Variants in SSTR5 observed in about 807,000 individuals in gnomAD.
SSTR5 encodes the protein somatostatin receptor 5, also known as somatostatin receptor type 5.
A neutral mutation model predicts 0.3 loss-of-function variants in SSTR5; 1 was observed. The observed-to-expected ratio is 2.98, with a 90% CI of 1.06 to 14.15. The LOEUF (loss-of-function observed/expected upper bound fraction) is 14.15, where lower values mean the gene tolerates loss of function less well. SSTR5 is among the 30% of genes most tolerant of loss of function. The pLI, the probability that SSTR5 is intolerant of heterozygous loss-of-function variation, is 0.12. For missense variants in SSTR5, 516 were observed against 543.2 expected, an observed-to-expected ratio of 0.95 and a Z score of 0.50; for synonymous variants, 256 against 263.1, an observed-to-expected ratio of 0.97 and a Z score of 0.26.
In SSTR5 at chr16:1,080,142, T is replaced by C. The variant is rs113311554; in HGVS notation, c.*179T>C. On this transcript the variant is annotated 3_prime_UTR_variant, in exon 2 of 2. Coordinates refer to ENST00000689027, the MANE Select transcript of SSTR5 (RefSeq NM_001172560.3). ...GTAGGTTCCCCACCGTGACCGACCA[T>C]CCCCTCTAACCGTCTGCCACACAGC... The C allele has an allele frequency of 6.3e-5, 54 of 850,440 alleles. No homozygotes were observed. The African/African-American group carries it at 7.0e-4, about 11-fold the overall frequency. 52.7% of individuals were successfully genotyped at this position (850,440 alleles called of 1,614,324 possible). A position where few individuals can be genotyped will look rare whatever the true frequency, so the allele number is the denominator to read the frequency against.
rs1567387893 is a variant in SSTR5 at position 1,080,974 on chromosome 16, G to A, written c.*1011G>A. The A allele has an allele frequency of 2.2e-6, 1 of 456,086 alleles. No individual in the cohort carries two copies. The highest frequency in any genetic ancestry group is 4.6e-6 in the Non-Finnish European group (1 of 217,374). 28.3% of individuals were successfully genotyped at this position (456,086 alleles called of 1,614,324 possible). On this transcript the variant is annotated 3_prime_UTR_variant, in exon 2 of 2. Transcript: ENST00000689027. ...AGCAGAGGACGGTCATCCAGGCGCA[G>A]CGGGGAGCTGCTCCCCAGGCCACAG... is the stretch of plus-strand genomic sequence containing the variant.
rs771972361 is a variant in SSTR5 at position 1,079,285 on chromosome 16, G to T, written c.417G>T (p.Leu139=). The change falls in exon 2 of 2, where the codon CTG becomes CTT. Residue 139 remains leucine (L), a synonymous_variant. Coordinates refer to ENST00000689027, the MANE Select transcript of SSTR5 (RefSeq NM_001172560.3). ...CAGTCATGAGCGTGGACCGCTACCTGGCAGTGGTGCACCCGCTGAGCTCGG... is the reference window on the plus strand; with the variant it reads ...CAGTCATGAGCGTGGACCGCTACCTTGCAGTGGTGCACCCGCTGAGCTCGG... ...CLTVMSVDRY[L]AVVHPLSSAR... 3.1e-6 allele frequency: 5 copies of T among 1,611,782 alleles called. No homozygotes were observed. The highest frequency in any genetic ancestry group is 4.2e-6 in the Non-Finnish European group (5 of 1,179,604).
At chr16:1,075,982 TCCTCCCCCTCC>T (rs1960190806) in intron 1 of SSTR5, among the ~76,000 whole-genome samples, 1 of 472 alleles carries the variant, frequency 2.1e-3, no homozygotes, top group Non-Finnish European at 4.5e-3. Flanking sequence ...TCCCTCCCCC[TCCTCCCCCTCC>T]CTCTCCCCCC....
chr16:1,075,905 A>C (rs1347791328), intron 1 of SSTR5, among the ~76,000 whole-genome samples: 513 of 9,514 alleles, frequency 0.054, no homozygotes, highest in Admixed American at 0.061. Context: ...CTCCCCCCCC[A>C]CTCTCTCTCC....
At chr16:1,074,996 A>G (rs1380345844) in intron 1 of SSTR5, among the ~76,000 whole-genome samples, 2 of 152,148 alleles carry the variant, frequency 1.3e-5, no homozygotes, top group African/African-American at 2.4e-5. Context: ...TGTCAGGCTG[A>G]GCAGATCCCT....
chr16:1,078,558 C>T (rs755607999), intron 1 of SSTR5: 38 of 475,146 alleles, frequency 8.0e-5, no homozygotes, highest in Non-Finnish European at 1.1e-4. Context: ...CCAGGCCAGG[C>T]GCCATCTGGG....
chr16:1,079,625 G>T lies in SSTR5; in HGVS notation c.757G>T (p.Val253Leu). The T allele has an allele frequency of 6.2e-7, 1 of 1,612,214 alleles. No individual in the cohort carries two copies. The highest frequency in any genetic ancestry group is 8.5e-7 in the Non-Finnish European group (1 of 1,179,270). Residue 253 changes from valine (V) to leucine (L), a missense_variant, in exon 2 of 2, where the codon GTG (valine) becomes TTG (leucine). Physicochemically the swap from Val to Leu is conservative, Grantham distance 32 (BLOSUM62 1). Coordinates refer to ENST00000689027, the MANE Select transcript of SSTR5 (RefSeq NM_001172560.3). ...ERKVTRMVLV[V>L]VLVFAGCWLP... ...GAAGGTGACGCGCATGGTGTTGGTG[G>T]TGGTGCTGGTGTTTGCGGGATGTTG...
At chr16:1,073,538 C>T (rs1194120502) in intron 1 of SSTR5, 1 of 152,380 alleles carries the variant, frequency 6.6e-6, no homozygotes, top group Non-Finnish European at 1.5e-5. Context: ...CGAACAGAGC[C>T]CCCTCCTGTC....
chr16:1,073,937 G>A (rs1028798090), intron 1 of SSTR5, among the ~76,000 whole-genome samples: 3 of 152,358 alleles, frequency 2.0e-5, no homozygotes, highest in South Asian at 2.1e-4. Context: ...CCCGAGAAGC[G>A]TTCGCGGAGC....
intron 1 of SSTR5, among the ~76,000 whole-genome samples, chr16:1,075,345 C>T (rs1390101240): frequency 6.6e-6 from 1 of 152,096 alleles, no homozygotes; most frequent in South Asian, 2.1e-4. Flanking sequence ...TCCTCTGAAG[C>T]TAAGAAGCTA....
chr16:1,073,846 G>A (rs1960139124), intron 1 of SSTR5, among the ~76,000 whole-genome samples: 1 of 152,264 alleles, frequency 6.6e-6, no homozygotes, highest in Non-Finnish European at 1.5e-5. Flanking sequence ...CTGGTCAACA[G>A]CACCAAGGAC....
chr16:1,079,801 C>T lies in SSTR5; in HGVS notation c.933C>T (p.Phe311=), dbSNP rs1209313084. ...TCTACGGCTTCCTCTCTGACAACTTCCGCCAGAGCTTCCAGAAGGTTCTGT... is the reference window on the plus strand; with the variant it reads ...TCTACGGCTTCCTCTCTGACAACTTTCGCCAGAGCTTCCAGAAGGTTCTGT... ...PVLYGFLSDN[F]RQSFQKVLCL... The change falls in exon 2 of 2, where the codon TTC becomes TTT. Residue 311 remains phenylalanine (F), a synonymous_variant. Transcript: ENST00000689027. 1.2e-6 allele frequency: 2 copies of T among 1,612,514 alleles called. No individual in the cohort carries two copies. The highest frequency in any genetic ancestry group is 2.2e-5 in the South Asian group (2 of 91,084).
chr16:1,079,293 T>C lies in SSTR5; in HGVS notation c.425T>C (p.Val142Ala), dbSNP rs1960294887. 6.2e-7 allele frequency: 1 copy of C among 1,611,214 alleles called. No homozygotes were observed. Among genetic ancestry groups the C allele is most frequent in the East Asian group, 2.2e-5 (1 of 44,846 alleles). Reference sequence around the variant, plus strand: ...AGCGTGGACCGCTACCTGGCAGTGGTGCACCCGCTGAGCTCGGCCCGCTGG... The same window carrying C: ...AGCGTGGACCGCTACCTGGCAGTGGCGCACCCGCTGAGCTCGGCCCGCTGG... ...VMSVDRYLAV[V>A]HPLSSARWRR... The change falls in exon 2 of 2, where the codon GTG (valine) becomes GCG (alanine). Residue 142 changes from valine (V) to alanine (A), a missense_variant. By Grantham distance (64) the Val-to-Ala change is moderately conservative (BLOSUM62 0). Coordinates refer to ENST00000689027, the MANE Select transcript of SSTR5 (RefSeq NM_001172560.3).
Position 1,081,277 on chromosome 16 carries a change from C to T in SSTR5, c.*1314C>T. Reference sequence around the variant, plus strand: ...CCCAGCACTGGCCCCGACCCGTGCTCCCGCCGTCTGCCCAGAGCAGGACCT... The same window carrying T: ...CCCAGCACTGGCCCCGACCCGTGCTTCCGCCGTCTGCCCAGAGCAGGACCT... On this transcript the variant is annotated 3_prime_UTR_variant, in exon 2 of 2. Transcript: ENST00000689027. 2.7e-6 allele frequency: 1 copy of T among 373,276 alleles called. No homozygotes were observed. The highest frequency in any genetic ancestry group is 2.0e-5 in the South Asian group (1 of 49,328). The allele number at this position is 373,276 out of a possible 1,614,324, so 23.1% of individuals were successfully genotyped here. A position where few individuals can be genotyped will look rare whatever the true frequency, so the allele number is the denominator to read the frequency against.
chr16:1,074,653 C>T (rs1960157621), intron 1 of SSTR5, among the ~76,000 whole-genome samples: 1 of 152,232 alleles, frequency 6.6e-6, no homozygotes, highest in African/African-American at 2.4e-5. Context: ...CGCTGTGGTC[C>T]CCGTCGTGGG....
chr16:1,078,072 C>G (rs1960251387), intron 1 of SSTR5: 1 of 152,630 alleles, frequency 6.6e-6, no homozygotes, highest in Admixed American at 6.5e-5. Context: ...CCCTCCTTCG[C>G]CCTGTGTGAC....
intron 1 of SSTR5, among the ~76,000 whole-genome samples, chr16:1,075,678 G>A (rs1209432692): frequency 6.6e-6 from 1 of 151,692 alleles, no homozygotes; most frequent in Non-Finnish European, 1.5e-5. Context: ...CTCTGCACCT[G>A]GGCCGCCATC....
Position 1,074,367 on chromosome 16 carries a change from G to A in SSTR5, c.-28+1545G>A, listed in dbSNP as rs535438191. On this transcript the variant is annotated intron_variant, in intron 1 of 1. Transcript: ENST00000689027. Reference sequence around the variant, plus strand: ...GCCTCCCCGAGCAGCAGGTTCCGCAGCCCCTCCAAGCTGCAGCCGCATCGC... The same window carrying A: ...GCCTCCCCGAGCAGCAGGTTCCGCAACCCCTCCAAGCTGCAGCCGCATCGC... Among the ~76,000 whole-genome samples, 4 of 152,354 alleles carry A rather than the reference G, an allele frequency of 2.6e-5. No homozygotes were observed. In the East Asian group the frequency reaches 7.7e-4, roughly 29 times the overall value.
rs1960321525 is a variant in SSTR5, at chr16:1,079,775, C to A, written c.907C>A (p.Leu303Ile). 6.2e-7 allele frequency: 1 copy of A among 1,612,360 alleles called. No homozygotes were observed. The highest frequency in any genetic ancestry group is 1.3e-5 in the African/African-American group (1 of 74,938). ...SYANSCANPV[L>I]YGFLSDNFRQ... ...CGCCAACAGCTGTGCCAACCCCGTC[C>A]TCTACGGCTTCCTCTCTGACAACTT... The change falls in exon 2 of 2, where the codon CTC becomes ATC. Residue 303 changes from leucine to isoleucine, a missense_variant. Transcript: ENST00000689027.
Sources: allele counts gnomAD v4.1 joint callset (sites outside exome capture counted in the v4.1 genomes callset), GRCh38; gene constraint gnomAD v4.1.1; transcripts MANE v1.5; gene names NCBI Gene and HGNC (gene_info 2026-07-23, HGNC 2026-07-21).